NOSTRIN: variants seen among roughly 807,000 people sequenced by gnomAD.
The protein encoded by NOSTRIN is BM247 homolog.
Under a neutral mutation model 59.0 loss-of-function variants are expected in NOSTRIN, and 63 were observed. The ratio of observed to expected loss-of-function variants is 1.07; its 90% CI spans 0.87 to 1.32. The LOEUF (loss-of-function observed/expected upper bound fraction) is 1.32. Ranked by LOEUF, NOSTRIN falls within the 40% of genes most tolerant of loss-of-function variation. The pLI is 0.00. For synonymous variants in NOSTRIN, 200 were observed against 165.4 expected (o/e 1.21, Z -1.61); for missense variants, 512 against 473.1 (o/e 1.08, Z -0.76).
chr2:168,806,285 G>A (rs1446989634), intron 1 of NOSTRIN, among the ~76,000 whole-genome samples: 1 of 151,954 alleles, frequency 6.6e-6, no homozygotes, highest in African/African-American at 2.4e-5. Flanking sequence ...AAATCCTTCT[G>A]TACTAGCATC....
intron 12 of NOSTRIN, among the ~76,000 whole-genome samples, chr2:168,857,810 G>A (rs544928505): frequency 3.9e-4 from 59 of 152,248 alleles, no homozygotes; most frequent in African/African-American, 1.3e-3. Context: ...TGTGAAGGTA[G>A]GTACTTGATA....
At chr2:168,849,834 G>C (rs1305684303) in intron 8 of NOSTRIN, among the ~76,000 whole-genome samples, 1 of 151,862 alleles carries the variant, frequency 6.6e-6, no homozygotes. Flanking sequence ...CTCTAAGAAT[G>C]CTTAGTTGCT....
chr2:168,852,338 A>C (rs1368486952), intron 10 of NOSTRIN, among the ~76,000 whole-genome samples: 1 of 152,108 alleles, frequency 6.6e-6, no homozygotes, highest in Non-Finnish European at 1.5e-5. Context: ...GTTTTTGCTG[A>C]AAACTGGTCA....
intron 15 of NOSTRIN, 39 bp from the exon 16 acceptor site, chr2:168,864,795 A>C: frequency 6.2e-7 from 1 of 1,611,598 alleles, no homozygotes; most frequent in East Asian, 2.2e-5. Context: ...GCATGTGTTC[A>C]CATCACAGAG....
At chr2:168,807,521 A>G (rs891167979) in intron 1 of NOSTRIN, among the ~76,000 whole-genome samples, 1 of 152,208 alleles carries the variant, frequency 6.6e-6, no homozygotes, top group Admixed American at 6.5e-5. Flanking sequence ...TTTGGCGTAT[A>G]GTATATAGGA....
chr2:168,838,455 G>T (rs1291873019), intron 7 of NOSTRIN, among the ~76,000 whole-genome samples: 1 of 152,084 alleles, frequency 6.6e-6, no homozygotes, highest in Non-Finnish European at 1.5e-5. Flanking sequence ...GGCCAGGCTG[G>T]TCTCGAACTC....
At chr2:168,844,825 A>C (rs1306984332) in intron 8 of NOSTRIN, among the ~76,000 whole-genome samples, 3 of 151,568 alleles carry the variant, frequency 2.0e-5, no homozygotes, top group African/African-American at 7.3e-5. Flanking sequence ...AGCCGAGATC[A>C]TGCCACTGCA....
At chr2:168,840,093 C>T (rs948306467) in intron 7 of NOSTRIN, among the ~76,000 whole-genome samples, 17 of 151,778 alleles carry the variant, frequency 1.1e-4, no homozygotes, top group African/African-American at 4.1e-4. Flanking sequence ...GGGTGCTGAG[C>T]ATTCTCAATA....
chr2:168,849,918 A>ATTTTGTTT (rs56323647), intron 8 of NOSTRIN, among the ~76,000 whole-genome samples: 10 of 91,388 alleles, frequency 1.1e-4, no homozygotes, highest in Non-Finnish European at 1.5e-4. Flanking sequence ...ACATTTTCTC[A>ATTTTGTTT]TTTTTTTTTT....
At chr2:168,804,202 C>G (rs1326595021) in intron 1 of NOSTRIN, among the ~76,000 whole-genome samples, 1 of 152,154 alleles carries the variant, frequency 6.6e-6, no homozygotes, top group Non-Finnish European at 1.5e-5. Context: ...TTCAGCAGCC[C>G]CCAAGGCAAC....
chr2:168,807,129 A>G (rs1211960766), intron 1 of NOSTRIN, among the ~76,000 whole-genome samples: 1 of 152,190 alleles, frequency 6.6e-6, no homozygotes, highest in African/African-American at 2.4e-5. Flanking sequence ...ACTGTGCTCC[A>G]TGGAACCCTT....
chr2:168,834,503 G>GCACACACACACACA lies in NOSTRIN; in HGVS notation c.504+179_504+180insACACACACACACAC, dbSNP rs1355060150. ...TCATTACTGGCGTGCGCGCGCGCGC[G>GCACACACACACACA]CGCGCACACACACACACACACACAC... On this transcript the variant is annotated intron_variant, in intron 7 of 15. Transcript: ENST00000317647. 4.6e-4 allele frequency among the ~76,000 whole-genome samples: 55 copies of GCACACACACACACA among 119,834 alleles called. 1 individual carries two copies. The highest frequency in any genetic ancestry group is 7.8e-4 in the South Asian group (3 of 3,864). 78.6% of individuals were successfully genotyped at this position (119,834 alleles called of 152,430 possible). A position where few individuals can be genotyped will look rare whatever the true frequency, so the allele number is the denominator to read the frequency against.
intron 7 of NOSTRIN, among the ~76,000 whole-genome samples, chr2:168,836,496 C>T (rs1449605696): frequency 6.6e-6 from 1 of 152,152 alleles, no homozygotes; most frequent in Non-Finnish European, 1.5e-5. Context: ...AACACCCAAG[C>T]GGGGGGCATT....
At chr2:168,806,508 G>A (rs6715293) in intron 1 of NOSTRIN, among the ~76,000 whole-genome samples, 1,617 of 152,150 alleles carry the variant, frequency 0.011, 33 homozygotes, top group African/African-American at 0.034. Context: ...CAAGTGCTGG[G>A]AAGAAACATT....
chr2:168,798,813 C>CGATCGATAGATA (rs57620905), upstream of NOSTRIN, among the ~76,000 whole-genome samples: 1,467 of 149,296 alleles, frequency 9.8e-3, 23 homozygotes, highest in African/African-American at 0.031. Context: ...ATCGATCGAT[C>CGATCGATAGATA]GATAGATAGA....
chr2:168,840,837 G>A (rs1029134531), intron 7 of NOSTRIN, among the ~76,000 whole-genome samples: 1 of 152,134 alleles, frequency 6.6e-6, no homozygotes, highest in African/African-American at 2.4e-5. Flanking sequence ...GATCTGGGGA[G>A]CTATAGTCAA....
chr2:168,846,363 A>G (rs1422316830), intron 8 of NOSTRIN, among the ~76,000 whole-genome samples: 3 of 152,196 alleles, frequency 2.0e-5, no homozygotes, highest in Non-Finnish European at 4.4e-5. Context: ...ATAAAAATTC[A>G]TTTTAGGGTC....
At chr2:168,862,569 T>C (rs73969992) in intron 15 of NOSTRIN, among the ~76,000 whole-genome samples, 2,574 of 152,304 alleles carry the variant, frequency 0.017, 70 homozygotes, top group African/African-American at 0.057. Flanking sequence ...TTCTAGAACC[T>C]AGGTCAGCTG....
intron 7 of NOSTRIN, among the ~76,000 whole-genome samples, chr2:168,842,052 G>A (rs1038672907): frequency 2.6e-5 from 4 of 152,216 alleles, no homozygotes; most frequent in Non-Finnish European, 4.4e-5. Context: ...TCTACAGTCA[G>A]ACAAGGTAGG....
Sources: allele counts gnomAD v4.1 joint callset (sites outside exome capture counted in the v4.1 genomes callset), GRCh38; gene constraint gnomAD v4.1.1; transcripts MANE v1.5; gene names NCBI Gene and HGNC (gene_info 2026-07-23, HGNC 2026-07-21).